The following WHRN variants were observed in gnomAD, a reference collection of about 807,000 sequenced individuals.
The protein encoded by WHRN is whirlin.
A neutral mutation model predicts 68.3 loss-of-function variants in WHRN; 41 were observed. The observed-to-expected ratio is 0.60, with a 90% CI of 0.47 to 0.78. The LOEUF is 0.78. Ranked by LOEUF, WHRN falls within the 30% of genes least tolerant of loss-of-function variation. The probability of loss-of-function intolerance (pLI) is 0.00; values close to 1 mark genes in which losing one functional copy is unlikely to be tolerated. For synonymous variants in WHRN, 560 were observed against 561.3 expected (o/e 1.00, Z 0.03); for missense variants, 1,243 against 1,244.7 (o/e 1.00, Z 0.02).
intron 3 of WHRN, among the ~76,000 whole-genome samples, chr9:114,462,782 GAGA>G (rs1564184110): frequency 1.3e-5 from 2 of 152,168 alleles, no homozygotes; most frequent in Admixed American, 6.5e-5. Flanking sequence ...ATAAATTGGC[GAGA>G]AGAACATTCT....
At chr9:114,499,706 G>A (rs1843758960) in intron 1 of WHRN, among the ~76,000 whole-genome samples, 1 of 152,240 alleles carries the variant, frequency 6.6e-6, no homozygotes, top group Non-Finnish European at 1.5e-5. Flanking sequence ...ACTGACAGGT[G>A]CAGGCAGGCT....
intron 3 of WHRN, among the ~76,000 whole-genome samples, chr9:114,444,093 C>T (rs1384561160): frequency 6.6e-6 from 1 of 152,192 alleles, no homozygotes; most frequent in African/African-American, 2.4e-5. Context: ...TATGGGAGTA[C>T]AATTCAAGAC....
At position 114,487,851 on chromosome 9, in the gene WHRN, C is replaced by G. The variant is rs1046955721; in HGVS notation, c.619-9080G>C. ...TGTGGACAGGGCTGGGTGGAGGCCT[C>G]GCAATGTCCTTCTCCCAAGGGAGTG... On this transcript the variant is annotated intron_variant, in intron 1 of 11. Coordinates refer to ENST00000362057, the MANE Select transcript of WHRN (RefSeq NM_015404.4). Among the ~76,000 whole-genome samples the G allele has an allele frequency of 2.6e-5, 4 of 152,296 alleles. No individual in the cohort carries two copies. The East Asian group carries it at 5.8e-4, about 22-fold the overall frequency.
intron 2 of WHRN, chr9:114,478,245 G>A (rs1554734553): frequency 7.8e-6 from 5 of 643,000 alleles, no homozygotes; most frequent in Non-Finnish European, 1.1e-5. Flanking sequence ...CCAGGATCTC[G>A]TGACCGCATT....
intron 1 of WHRN, among the ~76,000 whole-genome samples, chr9:114,500,622 T>C (rs1225630992): frequency 6.6e-6 from 1 of 152,208 alleles, no homozygotes. Context: ...TTTATTGAGA[T>C]GAAACACACA....
At chr9:114,445,601 T>C (rs1432430097) in intron 3 of WHRN, among the ~76,000 whole-genome samples, 3 of 152,162 alleles carry the variant, frequency 2.0e-5, no homozygotes, top group Non-Finnish European at 4.4e-5. Flanking sequence ...GCCACCATCA[T>C]CTCTCCCACC....
At chr9:114,478,815 G>A in intron 1 of WHRN, 44 bp from the exon 2 acceptor site, 2 of 1,565,726 alleles carry the variant, frequency 1.3e-6, no homozygotes, top group Non-Finnish European at 1.7e-6. Flanking sequence ...GGAGGTGCCG[G>A]GGGTGTGGAG....
chr9:114,443,933 AAG>A (rs1838603308), intron 3 of WHRN, among the ~76,000 whole-genome samples: 1 of 152,210 alleles, frequency 6.6e-6, no homozygotes, highest in South Asian at 2.1e-4. Flanking sequence ...GGCAGCAGGC[AAG>A]AGAGAAATGA....
chr9:114,436,836 CAAAT>C (rs1837900393), intron 3 of WHRN, among the ~76,000 whole-genome samples: 2 of 150,886 alleles, frequency 1.3e-5, no homozygotes, highest in African/African-American at 4.9e-5. Context: ...CTCAAAAAAC[CAAAT>C]AAATAAAATA....
chr9:114,501,985 C>T (rs567883099), intron 1 of WHRN, among the ~76,000 whole-genome samples: 2 of 152,090 alleles, frequency 1.3e-5, no homozygotes, highest in African/African-American at 2.4e-5. Context: ...TTAAACTGTC[C>T]CTGAAACTAC....
At chr9:114,461,418 G>A (rs552288475) in intron 3 of WHRN, among the ~76,000 whole-genome samples, 57 of 152,268 alleles carry the variant, frequency 3.7e-4, no homozygotes, top group African/African-American at 1.3e-3. Context: ...TGCAGCCCAC[G>A]TTTCCCACTT....
At chr9:114,484,231 G>A (rs903250092) in intron 1 of WHRN, among the ~76,000 whole-genome samples, 7 of 152,214 alleles carry the variant, frequency 4.6e-5, no homozygotes, top group African/African-American at 1.7e-4. Context: ...CCACGGCTGT[G>A]TCCTTGCTCT....
At chr9:114,458,150 C>T (rs1839963903) in intron 3 of WHRN, among the ~76,000 whole-genome samples, 1 of 152,118 alleles carries the variant, frequency 6.6e-6, no homozygotes, top group African/African-American at 2.4e-5. Context: ...AAATAATTTA[C>T]CGGGATGTGA....
chr9:114,447,517 A>C (rs1035113429), intron 3 of WHRN, among the ~76,000 whole-genome samples: 8 of 152,144 alleles, frequency 5.3e-5, no homozygotes, highest in African/African-American at 1.2e-4. Flanking sequence ...GTACTTCTTA[A>C]CAGGTCTGAC....
intron 9 of WHRN, among the ~76,000 whole-genome samples, chr9:114,405,447 G>A (rs576124214): frequency 2.3e-4 from 35 of 152,294 alleles, no homozygotes; most frequent in Admixed American, 2.0e-3. Flanking sequence ...CAACCTCATA[G>A]GGCTACTGGG....
rs1164145416 is a variant in WHRN at position 114,404,097 on chromosome 9, G to A, written c.2237-20C>T. ...AGGCTGCTGGAGAGGGGAAAAGGAA[G>A]AGAGAAGCAGCTTATATAGCTGGGG... On this transcript the variant is annotated intron_variant, in intron 9 of 11. Coordinates refer to ENST00000362057, the MANE Select transcript of WHRN (RefSeq NM_015404.4). 5.6e-6 allele frequency: 9 copies of A among 1,610,098 alleles called. No individual in the cohort carries two copies. In the Admixed American group the frequency reaches 1.5e-4, roughly 27 times the overall value.
chr9:114,474,776 CT>C (rs1188768807), intron 2 of WHRN, among the ~76,000 whole-genome samples: 1 of 152,130 alleles, frequency 6.6e-6, no homozygotes, highest in Non-Finnish European at 1.5e-5. Context: ...ACAAACTTGC[CT>C]CCTCACACTG....
At chr9:114,419,086 G>A (rs878908439) in intron 7 of WHRN, among the ~76,000 whole-genome samples, 6 of 152,158 alleles carry the variant, frequency 3.9e-5, no homozygotes, top group African/African-American at 1.4e-4. Flanking sequence ...GGGAGCTGGT[G>A]AGATCCTTCA....
intron 8 of WHRN, among the ~76,000 whole-genome samples, 183 bp downstream of exon 8, chr9:114,407,764 T>C (rs1589067744): frequency 1.3e-5 from 2 of 152,146 alleles, no homozygotes; most frequent in Admixed American, 1.3e-4. Flanking sequence ...TGGTGCCTGC[T>C]AGAGATACTA....
Sources: gnomAD v4.1 joint callset for allele counts (sites outside exome capture counted in the v4.1 genomes callset) on GRCh38, gnomAD v4.1.1 for gene constraint, MANE v1.5 for transcripts, NCBI Gene and HGNC (gene_info 2026-07-23, HGNC 2026-07-21) for gene names.